Variants in OCA2 observed in about 807,000 individuals in gnomAD.
OCA2 encodes the protein P protein.
In OCA2, 77 loss-of-function variants were observed where a neutral mutation model predicts 100.2. That is an observed-to-expected ratio of 0.77 (90% CI 0.64 to 0.93). The LOEUF is 0.93. Ranked by LOEUF, OCA2 falls within the 40% of genes least tolerant of loss-of-function variation. The pLI is 0.00. For missense variants in OCA2, 1,062 were observed against 1,089.1 expected, an observed-to-expected ratio of 0.98 and a Z score of 0.35; for synonymous variants, 432 against 439.2, an observed-to-expected ratio of 0.98 and a Z score of 0.21.
intron 19 of OCA2, among the ~76,000 whole-genome samples, chr15:27,888,210 C>T (rs1023504191): frequency 6.6e-6 from 1 of 152,168 alleles, no homozygotes; most frequent in Non-Finnish European, 1.5e-5. Flanking sequence ...ACTGGAGAAA[C>T]CAAACAGATC....
At chr15:27,982,512 A>G (rs142440483) in intron 14 of OCA2, among the ~76,000 whole-genome samples, 7 of 152,140 alleles carry the variant, frequency 4.6e-5, no homozygotes, top group Admixed American at 4.6e-4. Flanking sequence ...GCAGTTTCCC[A>G]CGGCAGCTAG....
intron 2 of OCA2, among the ~76,000 whole-genome samples, chr15:28,041,154 T>C (rs887285607): frequency 2.0e-5 from 3 of 151,896 alleles, no homozygotes; most frequent in African/African-American, 7.3e-5. Context: ...ATATTAAAAG[T>C]ATTATACACC....
intron 14 of OCA2, among the ~76,000 whole-genome samples, chr15:27,977,423 T>C (rs1433352397): frequency 2.0e-5 from 3 of 152,206 alleles, no homozygotes; most frequent in East Asian, 1.9e-4. Context: ...AGCTGGAATA[T>C]AGCCATATCC....
chr15:27,953,214 G>C (rs1414506144), intron 17 of OCA2, among the ~76,000 whole-genome samples: 4 of 152,210 alleles, frequency 2.6e-5, no homozygotes, highest in African/African-American at 9.7e-5. Context: ...GGTAGAGCTA[G>C]AGCTACAAAG....
chr15:28,072,450 C>T (rs962910181), intron 2 of OCA2, among the ~76,000 whole-genome samples: 1 of 151,932 alleles, frequency 6.6e-6, no homozygotes, highest in African/African-American at 2.4e-5. Context: ...ATTAGCTGGG[C>T]GTGGTGGCGG....
chr15:27,807,592 C>T (rs1158093014), intron 23 of OCA2, among the ~76,000 whole-genome samples: 3 of 152,132 alleles, frequency 2.0e-5, no homozygotes, highest in African/African-American at 7.2e-5. Flanking sequence ...TGCTCCTTTG[C>T]TTGATGGAGG....
intron 17 of OCA2, among the ~76,000 whole-genome samples, chr15:27,953,633 A>G (rs186976674): frequency 1.2e-4 from 19 of 152,332 alleles, no homozygotes; most frequent in African/African-American, 4.6e-4. Flanking sequence ...GTGGAGGAGT[A>G]GGCAGGTCAA....
chr15:28,064,599 A>C (rs1181639087), intron 2 of OCA2, among the ~76,000 whole-genome samples: 1 of 152,060 alleles, frequency 6.6e-6, no homozygotes, highest in Non-Finnish European at 1.5e-5. Flanking sequence ...TTTTCAGCTC[A>C]AGAATTTCTT....
At chr15:27,903,584 C>G (rs2038051197) in intron 19 of OCA2, among the ~76,000 whole-genome samples, 2 of 152,198 alleles carry the variant, frequency 1.3e-5, no homozygotes, top group South Asian at 4.1e-4. Flanking sequence ...CGGGCTTCCC[C>G]CAGGAGCTTG....
intron 18 of OCA2, among the ~76,000 whole-genome samples, chr15:27,933,482 G>A (rs919296502): frequency 3.3e-5 from 5 of 152,222 alleles, no homozygotes; most frequent in African/African-American, 1.2e-4. Flanking sequence ...GTGTCCGTAT[G>A]AAGAGACCAC....
At chr15:27,776,974 T>TGGGGGGGGGGGGG (rs368182175) in intron 23 of OCA2, among the ~76,000 whole-genome samples, 1 of 43,166 alleles carries the variant, frequency 2.3e-5, no homozygotes, top group South Asian at 1.1e-3. Context: ...GAGCGTGAGG[T>TGGGGGGGGGGGGG]GGGGGGGGGT....
At chr15:27,994,556 C>G (rs1168668925) in intron 9 of OCA2, among the ~76,000 whole-genome samples, 5 of 152,232 alleles carry the variant, frequency 3.3e-5, no homozygotes, top group Non-Finnish European at 7.3e-5. Context: ...TATCACTGCA[C>G]TCCTCTCTGG....
In OCA2 at chr15:27,922,680, G is replaced by GTGTGTGTGT. The variant is rs61038958; in HGVS notation, c.2079+3446_2079+3447insACACACACA. ...ATAGCTTTTGTGGTTTTTTGTTTGG[G>GTGTGTGTGT]GTGTGTGTGTGTGTGTGTGTGTGTG... On this transcript the variant is annotated intron_variant, in intron 19 of 23. Coordinates refer to ENST00000354638, the MANE Select transcript of OCA2 (RefSeq NM_000275.3). Among the ~76,000 whole-genome samples the GTGTGTGTGT allele has an allele frequency of 7.7e-3, 1,133 of 147,202 alleles. 15 individuals carry two copies. The highest frequency in any genetic ancestry group is 0.022 in the Admixed American group (314 of 14,506).
At chr15:27,868,813 C>T (rs955654671) in intron 21 of OCA2, among the ~76,000 whole-genome samples, 4 of 152,222 alleles carry the variant, frequency 2.6e-5, no homozygotes, top group Admixed American at 2.6e-4. Flanking sequence ...CAGGTATACA[C>T]ATATATGTCC....
At chr15:27,765,774 G>C (rs370725884) in intron 23 of OCA2, among the ~76,000 whole-genome samples, 27 of 152,328 alleles carry the variant, frequency 1.8e-4, no homozygotes, top group African/African-American at 6.5e-4. Context: ...CCCTCGGTTT[G>C]GTCCGGGAAC....
intron 1 of OCA2, among the ~76,000 whole-genome samples, chr15:28,084,991 C>A (rs916729134): frequency 1.3e-5 from 2 of 152,180 alleles, no homozygotes; most frequent in Non-Finnish European, 2.9e-5. Context: ...GTCCTGCCTG[C>A]CTACACTCAA....
chr15:27,856,701 AACACACACACAC>A (rs34330347), intron 21 of OCA2, among the ~76,000 whole-genome samples: 16 of 145,696 alleles, frequency 1.1e-4, no homozygotes, highest in Non-Finnish European at 2.0e-4. Context: ...ACACACCCCT[AACACACACACAC>A]ACACACACAC....
At chr15:28,090,164 C>T (rs1277906006) in intron 1 of OCA2, among the ~76,000 whole-genome samples, 1 of 152,158 alleles carries the variant, frequency 6.6e-6, no homozygotes, top group Non-Finnish European at 1.5e-5. Flanking sequence ...ATCCTAAACA[C>T]ATATGCACAA....
At chr15:27,903,230 C>A (rs866837271) in intron 19 of OCA2, among the ~76,000 whole-genome samples, 1 of 152,200 alleles carries the variant, frequency 6.6e-6, no homozygotes, top group Non-Finnish European at 1.5e-5. Flanking sequence ...TAAGTCCCGA[C>A]GGTCTGTCCT....
Sources: allele counts gnomAD v4.1 joint callset (sites outside exome capture counted in the v4.1 genomes callset), GRCh38; gene constraint gnomAD v4.1.1; transcripts MANE v1.5; gene names NCBI Gene and HGNC (gene_info 2026-07-23, HGNC 2026-07-21).